SRPK2: variants seen among roughly 807,000 people sequenced by gnomAD.
SRPK2 encodes SFRS protein kinase 2.
In SRPK2, 21 loss-of-function variants were observed where a neutral mutation model predicts 90.8. The ratio of observed to expected loss-of-function variants is 0.23; its 90% CI spans 0.16 to 0.33. The LOEUF (loss-of-function observed/expected upper bound fraction) is 0.33. Among genes scored for constraint, SRPK2 ranks in the 10% least tolerant of loss-of-function variants. The probability of loss-of-function intolerance (pLI) is 1.00; values close to 1 mark genes in which losing one functional copy is unlikely to be tolerated. For missense variants in SRPK2, 620 were observed against 869.0 expected, an observed-to-expected ratio of 0.71 and a Z score of 3.60; for synonymous variants, 288 against 311.1, an observed-to-expected ratio of 0.93 and a Z score of 0.78.
intron 13 of SRPK2, among the ~76,000 whole-genome samples, chr7:105,128,310 G>A (rs768787704): frequency 1.1e-4 from 17 of 152,178 alleles, no homozygotes; most frequent in Admixed American, 2.0e-4. Context: ...AGCAAGACAC[G>A]GACATGTCAC....
chr7:105,161,568 T>G (rs1485428915), intron 6 of SRPK2, among the ~76,000 whole-genome samples: 1 of 152,092 alleles, frequency 6.6e-6, no homozygotes, highest in Non-Finnish European at 1.5e-5. Context: ...AAGCCTACAC[T>G]GAGCTGCACT....
At chr7:105,316,289 C>T (rs985525204) in intron 2 of SRPK2, among the ~76,000 whole-genome samples, 9 of 152,034 alleles carry the variant, frequency 5.9e-5, no homozygotes, top group African/African-American at 2.2e-4. Context: ...TAAAACTGTG[C>T]CTTTTAACTT....
chr7:105,179,250 A>G (rs1434217949), intron 3 of SRPK2, among the ~76,000 whole-genome samples: 1 of 152,208 alleles, frequency 6.6e-6, no homozygotes, highest in African/African-American at 2.4e-5. Context: ...CTACTATAAC[A>G]TTAAGCCAGT....
chr7:105,202,098 A>G (rs554020029), intron 3 of SRPK2, among the ~76,000 whole-genome samples: 6 of 96,076 alleles, frequency 6.2e-5, no homozygotes, highest in African/African-American at 2.4e-4. Flanking sequence ...AATGCTAAGT[A>G]AGATCTACAC....
intron 2 of SRPK2, among the ~76,000 whole-genome samples, chr7:105,289,025 G>A (rs1341714549): frequency 6.6e-6 from 1 of 151,334 alleles, no homozygotes. Context: ...GGGAAGCCGA[G>A]GCAGGCAGAT....
downstream of SRPK2, among the ~76,000 whole-genome samples, chr7:105,115,680 G>T (rs928213228): frequency 6.6e-6 from 1 of 152,046 alleles, no homozygotes; most frequent in African/African-American, 2.4e-5. Flanking sequence ...TAGAACAACC[G>T]TTTCTGTATT....
At chr7:105,213,680 A>T (rs142346499) in intron 2 of SRPK2, among the ~76,000 whole-genome samples, 1 of 152,214 alleles carries the variant, frequency 6.6e-6, no homozygotes, top group Non-Finnish European at 1.5e-5. Context: ...CAAGCAAACT[A>T]AAGACCCATA....
At chr7:105,128,631 G>A (rs963395568) in intron 13 of SRPK2, among the ~76,000 whole-genome samples, 2 of 152,220 alleles carry the variant, frequency 1.3e-5, no homozygotes, top group Non-Finnish European at 2.9e-5. Flanking sequence ...CCTGGATCAA[G>A]TTCCAAGCTG....
At chr7:105,313,409 T>C (rs1585663513) in intron 2 of SRPK2, among the ~76,000 whole-genome samples, 1 of 140,940 alleles carries the variant, frequency 7.1e-6, no homozygotes, top group Admixed American at 7.7e-5. Context: ...ATCACACCAC[T>C]GCACTCCCGC....
At position 105,149,115 on chromosome 7, in the gene SRPK2, AAG is replaced by A. The variant is rs1224634229; in HGVS notation, c.622-2459_622-2458del. ...GGTCTGTGCTGAGATGGATTAGTAAAAGAGGAAAGCCTCTTGCAGTTGAGATA... is the reference window on the plus strand; with the variant it reads ...GGTCTGTGCTGAGATGGATTAGTAAAAGGAAAGCCTCTTGCAGTTGAGATA... On this transcript the variant is annotated intron_variant, in intron 7 of 15. Transcript: ENST00000393651. 3.9e-5 allele frequency among the ~76,000 whole-genome samples: 6 copies of A among 152,250 alleles called. No individual in the cohort carries two copies. In the East Asian group the frequency reaches 1.2e-3, roughly 29 times the overall value.
intron 2 of SRPK2, among the ~76,000 whole-genome samples, chr7:105,297,075 C>G (rs945777548): frequency 2.0e-5 from 3 of 152,174 alleles, no homozygotes; most frequent in African/African-American, 7.2e-5. Context: ...GAACTCCCCT[C>G]ACCCATCTAC....
chr7:105,174,263 A>G (rs1585051898), intron 3 of SRPK2, among the ~76,000 whole-genome samples: 1 of 152,086 alleles, frequency 6.6e-6, no homozygotes, highest in East Asian at 1.9e-4. Context: ...AAAATTTTAA[A>G]ACTCTCCTTT....
In SRPK2 at chr7:105,149,262, A is replaced by G. The variant is rs571585889; in HGVS notation, c.622-2604T>C. The stretch of plus-strand genomic sequence containing the variant: ...ACCGCCCTATGGTGGGAGGTGAGAC[A>G]TGTTTGCAGTAATGCTGCCTTGTTA... On this transcript the variant is annotated intron_variant, in intron 7 of 15. Coordinates refer to ENST00000393651, the MANE Select transcript of SRPK2 (RefSeq NM_182692.3). Among the ~76,000 whole-genome samples the G allele has an allele frequency of 2.0e-5, 3 of 152,322 alleles. No individual in the cohort carries two copies. In the South Asian group the frequency reaches 6.2e-4, roughly 32 times the overall value.
intron 2 of SRPK2, among the ~76,000 whole-genome samples, chr7:105,334,886 T>C (rs1814897793): frequency 6.6e-6 from 1 of 150,598 alleles, no homozygotes; most frequent in Non-Finnish European, 1.5e-5. Flanking sequence ...ACACTACTTA[T>C]TGGCTGGGCG....
chr7:105,142,511 A>G (rs1803941578), intron 10 of SRPK2, 21 bp from the exon 11 acceptor site: 2 of 1,586,690 alleles, frequency 1.3e-6, no homozygotes, highest in Non-Finnish European at 8.5e-7. Flanking sequence ...TGATGGGTCA[A>G]GAATTAGAAC....
upstream of SRPK2, among the ~76,000 whole-genome samples, chr7:105,393,008 A>AG (rs1173591898): frequency 4.9e-5 from 6 of 122,490 alleles, no homozygotes; most frequent in African/African-American, 1.3e-4. Context: ...TTTGGTGGAG[A>AG]GGGGAAGGGA....
In SRPK2 at chr7:105,141,807, T is replaced by C. The variant is rs141665650; in HGVS notation, c.1543+201A>G. 3.1e-3 allele frequency among the ~76,000 whole-genome samples: 477 copies of C among 152,316 alleles called. 2 individuals carry two copies. Among genetic ancestry groups the C allele is most frequent in the African/African-American group, 7.2e-3 (301 of 41,564 alleles). On this transcript the variant is annotated intron_variant, in intron 11 of 15. Coordinates refer to ENST00000393651, the MANE Select transcript of SRPK2 (RefSeq NM_182692.3). ...AAAACTGGTCAGAAATAAGATTTGGTATGCAGAGAGCAAGAAATAGCCTAA... is the reference window on the plus strand; with the variant it reads ...AAAACTGGTCAGAAATAAGATTTGGCATGCAGAGAGCAAGAAATAGCCTAA...
intron 2 of SRPK2, among the ~76,000 whole-genome samples, chr7:105,266,762 G>T (rs1404926026): frequency 6.6e-6 from 1 of 152,068 alleles, no homozygotes; most frequent in Non-Finnish European, 1.5e-5. Flanking sequence ...TTCCTGGACA[G>T]GATATAGTGT....
intron 7 of SRPK2, among the ~76,000 whole-genome samples, chr7:105,159,392 G>A (rs1409761371): frequency 5.4e-4 from 69 of 127,036 alleles, no homozygotes; most frequent in Non-Finnish European, 1.6e-5. Flanking sequence ...AGGCTGCAAT[G>A]AGCTGAGATT....
Sources: allele counts gnomAD v4.1 joint callset (sites outside exome capture counted in the v4.1 genomes callset), GRCh38; gene constraint gnomAD v4.1.1; transcripts MANE v1.5; gene names NCBI Gene and HGNC (gene_info 2026-07-23, HGNC 2026-07-21).